CAB39L: variants seen among roughly 807,000 people sequenced by gnomAD.
CAB39L encodes the protein calcium binding protein 39 like.
In CAB39L, 23 loss-of-function variants were observed where a neutral mutation model predicts 39.1. The observed-to-expected ratio is 0.59, with a 90% confidence interval of 0.42 to 0.83. The LOEUF is 0.83. Ranked by LOEUF, CAB39L falls within the 40% of genes least tolerant of loss-of-function variation. The probability of loss-of-function intolerance (pLI) is 0.00; values close to 1 mark genes in which losing one functional copy is unlikely to be tolerated. For synonymous variants in CAB39L, 126 were observed against 137.2 expected (o/e 0.92, Z 0.57); for missense variants, 366 against 391.9 (o/e 0.93, Z 0.56).
At chr13:49,388,304 T>G (rs1369640039) in intron 3 of CAB39L, among the ~76,000 whole-genome samples, 1 of 152,188 alleles carries the variant, frequency 6.6e-6, no homozygotes. Flanking sequence ...AATCTAAACT[T>G]GATCATTCGA....
At chr13:49,368,750 G>T (rs1162340872) in intron 5 of CAB39L, among the ~76,000 whole-genome samples, 1 of 152,190 alleles carries the variant, frequency 6.6e-6, no homozygotes, top group East Asian at 1.9e-4. Context: ...TTTGCTGAAT[G>T]AATGAATTAT....
chr13:49,368,227 T>C (rs560577626), intron 5 of CAB39L, among the ~76,000 whole-genome samples: 1 of 152,304 alleles, frequency 6.6e-6, no homozygotes, highest in South Asian at 2.1e-4. Flanking sequence ...AACTTTTACA[T>C]AGAGGAAAAC....
At chr13:49,384,556 C>A (rs1956317119) in intron 3 of CAB39L, among the ~76,000 whole-genome samples, 1 of 152,182 alleles carries the variant, frequency 6.6e-6, no homozygotes, top group Non-Finnish European at 1.5e-5. Context: ...TTAGAGGAAT[C>A]ACTATCTATG....
chr13:49,334,375 T>C (rs528557144), intron 9 of CAB39L, among the ~76,000 whole-genome samples: 1 of 152,318 alleles, frequency 6.6e-6, no homozygotes, highest in East Asian at 1.9e-4. Flanking sequence ...TCCCAGCCTC[T>C]GTGATGTGGA....
intron 3 of CAB39L, among the ~76,000 whole-genome samples, chr13:49,392,674 A>G (rs1165589895): frequency 6.6e-6 from 1 of 152,016 alleles, no homozygotes. Context: ...AACAAAAAAC[A>G]GAGGAGTCTG....
At chr13:49,353,802 C>G (rs563469417) in intron 6 of CAB39L, among the ~76,000 whole-genome samples, 11 of 152,014 alleles carry the variant, frequency 7.2e-5, no homozygotes, top group Non-Finnish European at 1.5e-4. Context: ...CTGTTACCTT[C>G]TCCTCTCCTC....
In CAB39L at chr13:49,344,282, TA is replaced by T; in HGVS notation, c.565-45del. 2.8e-6 allele frequency: 3 copies of T among 1,079,648 alleles called. No homozygotes were observed. The South Asian group carries it at 3.9e-5, about 14-fold the overall frequency. The allele number at this position is 1,079,648 out of a possible 1,614,324, so 66.9% of individuals were successfully genotyped here. A position where few individuals can be genotyped will look rare whatever the true frequency, so the allele number is the denominator to read the frequency against. On this transcript the variant is annotated intron_variant, in intron 7 of 10. Coordinates refer to ENST00000409308, the MANE Select transcript of CAB39L (RefSeq NM_001079670.3). ...AGTGAAACAAAACTGTTATAGCTAT[TA>T]ATATTACAAATGTGTCTTTTCTAAG...
At chr13:49,313,286 C>A (rs1053486785) in intron 10 of CAB39L, among the ~76,000 whole-genome samples, 1 of 152,028 alleles carries the variant, frequency 6.6e-6, no homozygotes, top group African/African-American at 2.4e-5. Flanking sequence ...TCGAGACCAT[C>A]CTGGCTAACA....
chr13:49,362,726 T>A (rs1481723264), intron 5 of CAB39L, among the ~76,000 whole-genome samples: 3 of 151,772 alleles, frequency 2.0e-5, no homozygotes, highest in Non-Finnish European at 2.9e-5. Flanking sequence ...TAGAGAAAGA[T>A]ATGAATATTC....
At chr13:49,325,601 C>A (rs1356399174) in intron 10 of CAB39L, among the ~76,000 whole-genome samples, 1 of 152,090 alleles carries the variant, frequency 6.6e-6, no homozygotes, top group Non-Finnish European at 1.5e-5. Flanking sequence ...CCAGCCGGGC[C>A]AACATGGCAA....
At chr13:49,440,748 GTGT>G (rs1381387368) in intron 1 of CAB39L, among the ~76,000 whole-genome samples, 1 of 149,876 alleles carries the variant, frequency 6.7e-6, no homozygotes, top group Non-Finnish European at 1.5e-5. Context: ...GTGTGTGTGT[GTGT>G]GTGTGTGTAT....
At chr13:49,391,888 T>C (rs1014781349) in intron 3 of CAB39L, among the ~76,000 whole-genome samples, 2 of 151,842 alleles carry the variant, frequency 1.3e-5, no homozygotes, top group African/African-American at 4.8e-5. Context: ...TTACAATACA[T>C]ACAAATGTGT....
intron 5 of CAB39L, among the ~76,000 whole-genome samples, chr13:49,368,972 T>C (rs1262246734): frequency 1.3e-5 from 2 of 152,072 alleles, no homozygotes; most frequent in East Asian, 3.8e-4. Context: ...ATAGAATATA[T>C]ATAAAGAATT....
intron 6 of CAB39L, among the ~76,000 whole-genome samples, chr13:49,354,332 CCTCAGTA>C (rs1163824799): frequency 6.6e-6 from 1 of 152,158 alleles, no homozygotes; most frequent in African/African-American, 2.4e-5. Flanking sequence ...TTCTAATTCT[CCTCAGTA>C]CTCTTTAAGT....
intron 10 of CAB39L, among the ~76,000 whole-genome samples, chr13:49,331,315 A>T (rs972792228): frequency 6.6e-6 from 1 of 151,946 alleles, no homozygotes; most frequent in African/African-American, 2.4e-5. Flanking sequence ...ATAAAAAAAA[A>T]ATTAGCCAGG....
chr13:49,323,679 G>A (rs7335804), intron 10 of CAB39L, among the ~76,000 whole-genome samples: 115,332 of 152,138 alleles, frequency 0.76, 43,975 homozygotes, highest in East Asian at 0.9. Flanking sequence ...AGTCAGAATA[G>A]TTCTATTTAA....
chr13:49,378,604 G>C (rs1177952709), intron 4 of CAB39L, among the ~76,000 whole-genome samples: 33 of 61,954 alleles, frequency 5.3e-4, no homozygotes, highest in African/African-American at 7.6e-4. Context: ...TCAGCCCTCC[G>C]CCCGGCCAGC....
chr13:49,311,036 A>C (rs1039983866), intron 10 of CAB39L, 43 bp from the exon 11 acceptor site: 85 of 1,579,692 alleles, frequency 5.4e-5, no homozygotes, highest in Non-Finnish European at 7.2e-5. Context: ...CAAGCCAGGG[A>C]CCTCACCCAC....
Position 49,310,562 on chromosome 13 carries a change from A to G in CAB39L, c.*252T>C, listed in dbSNP as rs1019852767. 1.2e-5 allele frequency: 4 copies of G among 336,526 alleles called. No individual in the cohort carries two copies. The highest frequency in any genetic ancestry group is 8.4e-5 in the African/African-American group (4 of 47,816). The allele number at this position is 336,526 out of a possible 1,614,324, so 20.8% of individuals were successfully genotyped here. A position where few individuals can be genotyped will look rare whatever the true frequency, so the allele number is the denominator to read the frequency against. ...CCAGGGGCTCACATCTGCAAGTTAA[A>G]ATTGCTTTTATCAACATCTGATACA... On this transcript the variant is annotated 3_prime_UTR_variant, in exon 11 of 11. Transcript: ENST00000409308.
Sources: allele counts gnomAD v4.1 joint callset (sites outside exome capture counted in the v4.1 genomes callset), GRCh38; gene constraint gnomAD v4.1.1; transcripts MANE v1.5; gene names NCBI Gene and HGNC (gene_info 2026-07-23, HGNC 2026-07-21).